AMMECR1: variants seen among roughly 807,000 people sequenced by gnomAD.
AMMECR1 encodes nuclear protein AMMECR1.
In AMMECR1, 3 loss-of-function variants were observed where a neutral mutation model predicts 22.5. That is an observed-to-expected ratio of 0.13 (90% CI 0.06 to 0.35). The LOEUF is 0.35. Among genes scored for constraint, AMMECR1 ranks in the 10% least tolerant of loss-of-function variants. The pLI is 1.00. For missense variants in AMMECR1, 235 were observed against 278.7 expected, an observed-to-expected ratio of 0.84 and a Z score of 1.12; for synonymous variants, 130 against 116.7, an observed-to-expected ratio of 1.11 and a Z score of -0.74.
intron 2 of AMMECR1, among the ~76,000 whole-genome samples, chrX:110,230,881 A>C (rs2067561704): frequency 8.9e-6 from 1 of 112,231 alleles, no homozygotes; most frequent in Non-Finnish European, 1.9e-5. Context: ...ACTTCGTGAC[A>C]CATGCTCAAG....
At chrX:110,206,271 A>T (rs1249889753) in intron 3 of AMMECR1, among the ~76,000 whole-genome samples, 1 of 112,303 alleles carries the variant, frequency 8.9e-6, no homozygotes, top group Non-Finnish European at 1.9e-5. Context: ...TAATGGCTAA[A>T]ATTAAGCTTT....
At chrX:110,280,296 T>G (rs2067846247) in intron 1 of AMMECR1, among the ~76,000 whole-genome samples, 1 of 111,342 alleles carries the variant, frequency 9.0e-6, no homozygotes, top group Non-Finnish European at 1.9e-5. Context: ...TGTGTGCTGT[T>G]TGATGTAAAC....
intron 2 of AMMECR1, among the ~76,000 whole-genome samples, chrX:110,421,153 A>T (rs113387159): frequency 0.05 from 5,564 of 112,254 alleles, 349 homozygotes; most frequent in African/African-American, 0.17. Flanking sequence ...CCAGCCCGTG[A>T]AAATGGATCA....
At chrX:110,433,658 C>A (rs1228007102) in intron 1 of AMMECR1, among the ~76,000 whole-genome samples, 1 of 112,107 alleles carries the variant, frequency 8.9e-6, no homozygotes, top group African/African-American at 3.3e-5. Context: ...ATTGACTCAT[C>A]TATTTGGCTC....
intron 1 of AMMECR1, among the ~76,000 whole-genome samples, chrX:110,430,683 C>A (rs1488826045): frequency 8.9e-6 from 1 of 112,251 alleles, no homozygotes; most frequent in Non-Finnish European, 1.9e-5. Context: ...TGTCAGTTAA[C>A]CCTTGTATAT....
At chrX:110,348,808 A>G (rs1200855214) in intron 2 of AMMECR1, among the ~76,000 whole-genome samples, 1 of 112,519 alleles carries the variant, frequency 8.9e-6, no homozygotes, top group Non-Finnish European at 1.9e-5. Flanking sequence ...CTGGATGGAT[A>G]TAAGTCAAAT....
chrX:110,272,285 T>C (rs2067803259), intron 1 of AMMECR1, among the ~76,000 whole-genome samples: 2 of 111,209 alleles, frequency 1.8e-5, no homozygotes, highest in African/African-American at 6.5e-5. Flanking sequence ...TATTGAAGTC[T>C]TCCGATTCCT....
intron 1 of AMMECR1, among the ~76,000 whole-genome samples, chrX:110,283,649 AG>A (rs2067864127): frequency 9.0e-6 from 1 of 111,457 alleles, no homozygotes; most frequent in East Asian, 2.8e-4. Flanking sequence ...CCCATTCATG[AG>A]GGCCCCACCT....
chrX:110,350,006 A>T (rs1425193916), intron 2 of AMMECR1, among the ~76,000 whole-genome samples: 2 of 112,324 alleles, frequency 1.8e-5, no homozygotes, highest in African/African-American at 6.5e-5. Flanking sequence ...ATCAAGCTAA[A>T]TAAAGTCATG....
chrX:110,312,907 G>C (rs1453142971), intron 1 of AMMECR1, among the ~76,000 whole-genome samples: 4 of 112,548 alleles, frequency 3.6e-5, no homozygotes, highest in Non-Finnish European at 5.6e-5. Context: ...GTGTGGATAA[G>C]GAAATCTGTC....
chrX:110,221,704 G>A (rs1266422381), intron 2 of AMMECR1, among the ~76,000 whole-genome samples: 1 of 110,726 alleles, frequency 9.0e-6, no homozygotes, highest in Non-Finnish European at 1.9e-5. Context: ...GGGAATAGAG[G>A]AAAGAACTAA....
At chrX:110,201,925 G>GATTA (rs768223305) in intron 4 of AMMECR1, among the ~76,000 whole-genome samples, 17 of 111,846 alleles carry the variant, frequency 1.5e-4, no homozygotes, top group Non-Finnish European at 3.0e-4. Context: ...GTGTGAAACA[G>GATTA]GAAAATTCTG....
chrX:110,197,249 AG>A lies in AMMECR1; in HGVS notation c.*1270del, dbSNP rs1437518552. The stretch of plus-strand genomic sequence containing the variant: ...ATGTAGTAAATGTGTTTCTATCAAA[AG>A]TATGTAGTGCAGAAAGAAATTCAAG... On this transcript the variant is annotated 3_prime_UTR_variant, in exon 6 of 6. Coordinates refer to ENST00000262844, the MANE Select transcript of AMMECR1 (RefSeq NM_015365.3). 3 of 112,430 alleles carry A rather than the reference AG, an allele frequency of 2.7e-5. No individual in the cohort carries two copies. Among genetic ancestry groups the A allele is most frequent in the African/African-American group, 6.5e-5 (2 of 30,926 alleles). The allele number at this position is 112,430 out of a possible 1,213,427, so 9.3% of individuals were successfully genotyped here.
At chrX:110,421,733 G>A (rs1013563808) in intron 2 of AMMECR1, among the ~76,000 whole-genome samples, 1 of 112,578 alleles carries the variant, frequency 8.9e-6, no homozygotes, top group African/African-American at 3.2e-5. Context: ...ATGGCATAAG[G>A]CCATTAAAGT....
chrX:110,220,026 C>T (rs1359169086), intron 2 of AMMECR1, among the ~76,000 whole-genome samples: 1 of 111,859 alleles, frequency 8.9e-6, no homozygotes, highest in African/African-American at 3.2e-5. Flanking sequence ...AGCTGATAAA[C>T]AACAAGATTC....
chrX:110,317,557 C>T, intron 1 of AMMECR1, 42 bp downstream of exon 1: 1 of 1,127,074 alleles, frequency 8.9e-7, no homozygotes, highest in East Asian at 3.1e-5. Context: ...TGAGCCCCAT[C>T]CCGAGCGCAA....
chrX:110,334,525 A>G (rs1329349597), intron 2 of AMMECR1, among the ~76,000 whole-genome samples: 2 of 111,907 alleles, frequency 1.8e-5, no homozygotes, highest in Non-Finnish European at 3.8e-5. Context: ...AACCTAAAGG[A>G]TATATTATTA....
intron 2 of AMMECR1, among the ~76,000 whole-genome samples, chrX:110,384,075 G>A (rs772710505): frequency 7.2e-5 from 8 of 111,508 alleles, no homozygotes; most frequent in Non-Finnish European, 1.5e-4. Context: ...TATTGTTATC[G>A]TATATATAAC....
chrX:110,263,446 A>AT (rs767919892), intron 2 of AMMECR1, among the ~76,000 whole-genome samples: 1 of 111,701 alleles, frequency 9.0e-6, no homozygotes, highest in Admixed American at 9.5e-5. Context: ...GAGCTACTGC[A>AT]TACCTTCAAA....
Sources: allele counts gnomAD v4.1 joint callset (sites outside exome capture counted in the v4.1 genomes callset), GRCh38; gene constraint gnomAD v4.1.1; transcripts MANE v1.5; gene names NCBI Gene and HGNC (gene_info 2026-07-23, HGNC 2026-07-21).